Variants in FAM107B observed in about 807,000 individuals in gnomAD.
The protein encoded by FAM107B is protein FAM107B.
A neutral mutation model predicts 31.5 loss-of-function variants in FAM107B; 21 were observed. That is an observed-to-expected ratio of 0.67 (90% CI 0.47 to 0.96). The LOEUF (loss-of-function observed/expected upper bound fraction) is 0.96, where lower values mean the gene tolerates loss of function less well. Among genes scored for constraint, FAM107B ranks in the 40% least tolerant of loss-of-function variants. The pLI is 0.00. For synonymous variants in FAM107B, 157 were observed against 141.5 expected, an observed-to-expected ratio of 1.11 and a Z score of -0.78; for missense variants, 452 against 377.1, an observed-to-expected ratio of 1.20 and a Z score of -1.64.
At chr10:14,679,983 AATGGCCT>A (rs1369154699) in intron 1 of FAM107B, among the ~76,000 whole-genome samples, 3 of 152,174 alleles carry the variant, frequency 2.0e-5, no homozygotes, top group Non-Finnish European at 4.4e-5. Context: ...TCAGCTTGCA[AATGGCCT>A]ATTGTGGGAC....
chr10:14,674,886 C>T (rs533340321), intron 1 of FAM107B, among the ~76,000 whole-genome samples: 66 of 152,216 alleles, frequency 4.3e-4, no homozygotes, highest in African/African-American at 1.5e-3. Context: ...AGGCATGCAG[C>T]ACCACACCTG....
At chr10:14,672,048 C>T (rs78934563) in intron 1 of FAM107B, among the ~76,000 whole-genome samples, 1 of 151,548 alleles carries the variant, frequency 6.6e-6, no homozygotes, top group Non-Finnish European at 1.5e-5. Flanking sequence ...TACATTGGTT[C>T]TGTACCTCCC....
Position 14,693,130 on chromosome 10 carries a change from C to G in FAM107B, c.412-25439G>C, listed in dbSNP as rs183874628. 1.3e-4 allele frequency among the ~76,000 whole-genome samples: 20 copies of G among 152,290 alleles called. No homozygotes were observed. In the East Asian group the frequency reaches 3.9e-3, roughly 29 times the overall value. ...TTTTATCAAGTGGAATTCTAACTTT[C>G]AATTAGTCTACCTCTGTGTGTGTTT... On this transcript the variant is annotated intron_variant, in intron 1 of 4. Coordinates refer to ENST00000181796, the MANE Select transcript of FAM107B (RefSeq NM_031453.4).
chr10:14,553,235 A>G (rs957360982), intron 2 of FAM107B: 2 of 519,038 alleles, frequency 3.9e-6, no homozygotes, highest in Admixed American at 9.9e-5. Context: ...CAATAATTAT[A>G]TCTGTTCACA....
At position 14,572,975 on chromosome 10, in the gene FAM107B, A is replaced by G. The variant is rs185095645; in HGVS notation, c.470-42460T>C. ...ATTACTATATTATTAGGAAATAGCA[A>G]ATATATACCAAAGCAGCAAGAGTGG... On this transcript the variant is annotated intron_variant, in intron 2 of 4. Coordinates refer to ENST00000181796, the MANE Select transcript of FAM107B (RefSeq NM_031453.4). Among the ~76,000 whole-genome samples, 86 of 151,888 alleles carry G rather than the reference A, an allele frequency of 5.7e-4. 1 individual carries two copies. Among genetic ancestry groups the G allele is most frequent in the Admixed American group, 1.6e-3 (25 of 15,258 alleles).
At chr10:14,562,106 C>G (rs1254454912) in intron 2 of FAM107B, among the ~76,000 whole-genome samples, 1 of 152,134 alleles carries the variant, frequency 6.6e-6, no homozygotes, top group African/African-American at 2.4e-5. Flanking sequence ...TTTTCTACTC[C>G]AAAAAGTTCA....
At chr10:14,768,448 A>G (rs557913627) in intron 1 of FAM107B, among the ~76,000 whole-genome samples, 2 of 152,214 alleles carry the variant, frequency 1.3e-5, no homozygotes, top group African/African-American at 4.8e-5. Context: ...ACAGACATAT[A>G]TACCAATGGA....
intron 2 of FAM107B, among the ~76,000 whole-genome samples, chr10:14,592,408 A>C (rs1455236893): frequency 6.6e-6 from 1 of 152,174 alleles, no homozygotes; most frequent in Non-Finnish European, 1.5e-5. Context: ...ATAAAATCAC[A>C]GGTCTGTCCA....
chr10:14,621,505 C>T (rs1371396176), intron 2 of FAM107B, among the ~76,000 whole-genome samples: 1 of 152,106 alleles, frequency 6.6e-6, no homozygotes, highest in Non-Finnish European at 1.5e-5. Flanking sequence ...TAAGCCAACG[C>T]CACAGGGCAA....
At chr10:14,747,512 C>T (rs914092628) in intron 1 of FAM107B, among the ~76,000 whole-genome samples, 2 of 151,940 alleles carry the variant, frequency 1.3e-5, no homozygotes. Context: ...GTTGTTGTTG[C>T]TTTCTGTTTG....
At chr10:14,756,524 C>A (rs1339654311) in intron 1 of FAM107B, among the ~76,000 whole-genome samples, 1 of 152,118 alleles carries the variant, frequency 6.6e-6, no homozygotes, top group Non-Finnish European at 1.5e-5. Context: ...CAGCATCCAG[C>A]GAGGTTGTGG....
At chr10:14,629,440 T>TTATATATTTAATATATATAAC (rs1564606909) in intron 2 of FAM107B, among the ~76,000 whole-genome samples, 64 of 8,342 alleles carry the variant, frequency 7.7e-3, no homozygotes, top group South Asian at 0.02. Context: ...ATATATTATA[T>TTATATATTTAATATATATAAC]ATATATTATA....
chr10:14,608,630 C>T lies in FAM107B; in HGVS notation c.469+59004G>A, dbSNP rs188602650. ...TGGCCTCTCAGCAGGCTAGATAGGACTTCCTCACACAACAGCCCCGTCCAG... is the reference window on the plus strand; with the variant it reads ...TGGCCTCTCAGCAGGCTAGATAGGATTTCCTCACACAACAGCCCCGTCCAG... On this transcript the variant is annotated intron_variant, in intron 2 of 4. Coordinates refer to ENST00000181796, the MANE Select transcript of FAM107B (RefSeq NM_031453.4). Among the ~76,000 whole-genome samples, 280 of 152,332 alleles carry T rather than the reference C, an allele frequency of 1.8e-3. 1 individual carries two copies. The highest frequency in any genetic ancestry group is 6.5e-3 in the African/African-American group (269 of 41,566).
At chr10:14,541,307 G>C (rs1848172804) in intron 2 of FAM107B, among the ~76,000 whole-genome samples, 1 of 152,210 alleles carries the variant, frequency 6.6e-6, no homozygotes, top group Non-Finnish European at 1.5e-5. Context: ...GTCACCTCAG[G>C]AGAGGATGCT....
At chr10:14,750,663 C>T (rs1012085188) in intron 1 of FAM107B, among the ~76,000 whole-genome samples, 7 of 152,142 alleles carry the variant, frequency 4.6e-5, no homozygotes, top group Admixed American at 1.3e-4. Flanking sequence ...CCGTTCTAGT[C>T]TCAGTTGGAT....
At chr10:14,727,310 C>A (rs1025502009) in intron 1 of FAM107B, among the ~76,000 whole-genome samples, 6 of 152,216 alleles carry the variant, frequency 3.9e-5, no homozygotes, top group Non-Finnish European at 7.3e-5. Flanking sequence ...TTTTCCCTAA[C>A]CTTCAAAAAC....
intron 1 of FAM107B, among the ~76,000 whole-genome samples, chr10:14,727,861 T>C (rs1387022870): frequency 6.6e-6 from 1 of 152,112 alleles, no homozygotes; most frequent in Non-Finnish European, 1.5e-5. Context: ...TTTCAGGGAG[T>C]TTGAGGCAAA....
chr10:14,586,873 C>T (rs550096400), intron 2 of FAM107B, among the ~76,000 whole-genome samples: 1 of 152,328 alleles, frequency 6.6e-6, no homozygotes, highest in East Asian at 1.9e-4. Flanking sequence ...TATTCTACCA[C>T]TGCTTATCAA....
rs57967855 is a variant in FAM107B at position 14,758,873 on chromosome 10, G to GAA, written c.411+15378_411+15379dup. Among the ~76,000 whole-genome samples the GAA allele has an allele frequency of 9.7e-3, 376 of 38,956 alleles. 25 individuals are homozygous for GAA. The highest frequency in any genetic ancestry group is 0.031 in the African/African-American group (312 of 10,196). The allele number at this position is 38,956 out of a possible 152,430, so 25.6% of individuals were successfully genotyped here. A position where few individuals can be genotyped will look rare whatever the true frequency, so the allele number is the denominator to read the frequency against. ...TGGGCAACAAAGCAAGACCCTCTCA[G>GAA]AAAAAAAAAAAAAAAAAAAAAAAAG... On this transcript the variant is annotated intron_variant, in intron 1 of 4. Transcript: ENST00000181796.
Sources: gnomAD v4.1 joint callset for allele counts (sites outside exome capture counted in the v4.1 genomes callset) on GRCh38, gnomAD v4.1.1 for gene constraint, MANE v1.5 for transcripts, NCBI Gene and HGNC (gene_info 2026-07-23, HGNC 2026-07-21) for gene names.